UTRN: variants seen among roughly 807,000 people sequenced by gnomAD.
The protein encoded by UTRN is dystrophin-related protein 1.
In UTRN, 283 loss-of-function variants were observed where a neutral mutation model predicts 463.9. That is an observed-to-expected ratio of 0.61 (90% confidence interval 0.55 to 0.67). The LOEUF (loss-of-function observed/expected upper bound fraction) is 0.67. Ranked by LOEUF, UTRN falls within the 30% of genes least tolerant of loss-of-function variation. The pLI is 0.00. For missense variants in UTRN, 3,922 were observed against 4,084.3 expected (o/e 0.96, Z 1.08); for synonymous variants, 1,442 against 1,431.5 (o/e 1.01, Z -0.17).
chr6:144,469,448 A>G (rs959505043), intron 23 of UTRN, among the ~76,000 whole-genome samples: 1 of 152,194 alleles, frequency 6.6e-6, no homozygotes, highest in African/African-American at 2.4e-5. Flanking sequence ...CAGTTTCACA[A>G]TGAGTTATTA....
intron 10 of UTRN, 72 bp downstream of exon 10, chr6:144,436,210 C>T: frequency 7.0e-7 from 1 of 1,422,298 alleles, no homozygotes; most frequent in Non-Finnish European, 9.6e-7. Flanking sequence ...ACTCTACTCT[C>T]CTATTTGTTA....
At chr6:144,517,367 TC>T (rs1795711346) in intron 39 of UTRN, among the ~76,000 whole-genome samples, 3 of 151,626 alleles carry the variant, frequency 2.0e-5, no homozygotes, top group African/African-American at 7.3e-5. Flanking sequence ...TTTATATTTT[TC>T]TTTTTTTTTT....
chr6:144,535,351 G>A (rs990975254), intron 43 of UTRN, among the ~76,000 whole-genome samples: 2 of 152,168 alleles, frequency 1.3e-5, no homozygotes, highest in Admixed American at 6.5e-5. Context: ...CAAAGTTCTG[G>A]AATTACAGGC....
chr6:144,593,875 T>C (rs573049149), intron 51 of UTRN, among the ~76,000 whole-genome samples: 32 of 152,184 alleles, frequency 2.1e-4, no homozygotes, highest in Non-Finnish European at 2.5e-4. Context: ...TATTTGTGAA[T>C]ATTGGAGATA....
chr6:144,333,648 C>A (rs1776497609), intron 2 of UTRN, among the ~76,000 whole-genome samples: 2 of 152,024 alleles, frequency 1.3e-5, no homozygotes, highest in Non-Finnish European at 2.9e-5. Context: ...CATAGATCAC[C>A]CAAGGGGTGG....
intron 51 of UTRN, among the ~76,000 whole-genome samples, chr6:144,602,380 C>T (rs1804348254): frequency 2.0e-5 from 3 of 151,828 alleles, no homozygotes; most frequent in Admixed American, 6.6e-5. Context: ...ATCATGTGAT[C>T]CACCCGCCTT....
rs374880900 is a variant in UTRN, at chr6:144,678,468, G to A, written c.7542G>A (p.Gln2514=). 78 of 1,613,342 alleles carry A rather than the reference G, an allele frequency of 4.8e-5. No individual in the cohort carries two copies. The highest frequency in any genetic ancestry group is 6.5e-5 in the Non-Finnish European group (77 of 1,179,658). ...DIFKSIDGNR[Q]KMVKALGNSE... is the part of the protein sequence containing the mutation. Reference sequence around the variant, plus strand: ...TTAAAAGCATTGACGGAAACAGGCAGAAGATGGTAAAAGCTTTGGGAAATT... The same window carrying A: ...TTAAAAGCATTGACGGAAACAGGCAAAAGATGGTAAAAGCTTTGGGAAATT... The change falls in exon 52 of 75, where the codon CAG becomes CAA. Residue 2514 remains glutamine, a synonymous_variant. Coordinates refer to ENST00000367545, the MANE Select transcript of UTRN (RefSeq NM_007124.3).
intron 3 of UTRN, among the ~76,000 whole-genome samples, chr6:144,418,869 C>G (rs146232408): frequency 4.4e-4 from 67 of 152,158 alleles, no homozygotes; most frequent in African/African-American, 1.6e-3. Context: ...TTATATTATA[C>G]TATTTTTTGG....
At chr6:144,743,893 A>C (rs1318539257) in intron 54 of UTRN, among the ~76,000 whole-genome samples, 4 of 152,008 alleles carry the variant, frequency 2.6e-5, no homozygotes, top group Admixed American at 2.6e-4. Flanking sequence ...ATAGCTTTGT[A>C]ATGCAATAAA....
At chr6:144,331,919 T>C (rs1776361187) in intron 2 of UTRN, among the ~76,000 whole-genome samples, 2 of 152,066 alleles carry the variant, frequency 1.3e-5, no homozygotes, top group Non-Finnish European at 2.9e-5. Flanking sequence ...GTGAATCATA[T>C]GGTGAGATGC....
In UTRN at chr6:144,507,702, C is replaced by T. The variant is rs147004812; in HGVS notation, c.4765-3242C>T. On this transcript the variant is annotated intron_variant, in intron 34 of 74. Transcript: ENST00000367545. The stretch of plus-strand genomic sequence containing the variant: ...TCTCCTATATTAGGTGTCTGTTGAC[C>T]CCTGCTGGGAGGTGTCTCCCAGTCA... Among the ~76,000 whole-genome samples the T allele has an allele frequency of 2.6e-5, 4 of 152,240 alleles. No individual in the cohort carries two copies. In the East Asian group the frequency reaches 5.8e-4, roughly 22 times the overall value.
intron 66 of UTRN, among the ~76,000 whole-genome samples, chr6:144,821,512 TA>T (rs1484466460): frequency 6.6e-6 from 1 of 152,032 alleles, no homozygotes; most frequent in Non-Finnish European, 1.5e-5. Context: ...GATTCTAATC[TA>T]TTTTTTATTG....
chr6:144,693,333 C>T (rs1441413623), intron 52 of UTRN, among the ~76,000 whole-genome samples: 3 of 152,136 alleles, frequency 2.0e-5, no homozygotes, highest in Non-Finnish European at 4.4e-5. Flanking sequence ...CATGATGCCT[C>T]CAGCTTTATT....
In UTRN at chr6:144,851,614, T is replaced by C. The variant is rs942711588; in HGVS notation, c.*617T>C. ...CAAATATCTTATATATACACACATA[T>C]GGTTTAAGCTACAGCCCTGTGTATG... On this transcript the variant is annotated 3_prime_UTR_variant, in exon 75 of 75. Coordinates refer to ENST00000367545, the MANE Select transcript of UTRN (RefSeq NM_007124.3). 6.6e-6 allele frequency: 1 copy of C among 152,512 alleles called. No homozygotes were observed. Among genetic ancestry groups the C allele is most frequent in the Non-Finnish European group, 1.5e-5 (1 of 68,272 alleles). 9.4% of individuals were successfully genotyped at this position (152,512 alleles called of 1,614,324 possible).
At chr6:144,727,530 G>T (rs1326561991) in intron 53 of UTRN, among the ~76,000 whole-genome samples, 1 of 151,948 alleles carries the variant, frequency 6.6e-6, no homozygotes, top group African/African-American at 2.4e-5. Context: ...AGGCCAAGGC[G>T]GGCGGATCAC....
At chr6:144,381,383 T>C (rs1780905191) in intron 2 of UTRN, among the ~76,000 whole-genome samples, 1 of 152,202 alleles carries the variant, frequency 6.6e-6, no homozygotes, top group South Asian at 2.1e-4. Context: ...TAGTATTCCA[T>C]AGTGTGTATA....
intron 17 of UTRN, 58 bp from the exon 18 acceptor site, chr6:144,451,312 G>A: frequency 1.3e-6 from 2 of 1,562,304 alleles, no homozygotes; most frequent in Non-Finnish European, 8.7e-7. Flanking sequence ...TCTTTCTGGA[G>A]TCAAGTAAAA....
chr6:144,793,893 T>C lies in UTRN; in HGVS notation c.8980T>C (p.Leu2994=). The change falls in exon 63 of 75, where the codon TTA becomes CTA. Residue 2994 remains leucine (L), a synonymous_variant. Coordinates refer to ENST00000367545, the MANE Select transcript of UTRN (RefSeq NM_007124.3). ...EMCDQRQLGL[L]LHDAIQIPRQ... ...GTGTGACCAGAGGCAGCTGGGCCTG[T>C]TACTTCATGATGCCATCCAGATCCC... 1.2e-6 allele frequency: 2 copies of C among 1,614,134 alleles called. No individual in the cohort carries two copies. The highest frequency in any genetic ancestry group is 2.7e-5 in the African/African-American group (2 of 75,052).
At chr6:144,385,657 G>A (rs1273114009) in intron 2 of UTRN, among the ~76,000 whole-genome samples, 1 of 151,502 alleles carries the variant, frequency 6.6e-6, no homozygotes, top group Non-Finnish European at 1.5e-5. Context: ...GGCAATAAAT[G>A]TCAGACTCAC....
Sources: allele counts gnomAD v4.1 joint callset (sites outside exome capture counted in the v4.1 genomes callset), GRCh38; gene constraint gnomAD v4.1.1; transcripts MANE v1.5; gene names NCBI Gene and HGNC (gene_info 2026-07-23, HGNC 2026-07-21).